Variants in GRIN2B observed in about 807,000 individuals in gnomAD.
GRIN2B encodes the protein glutamate receptor ionotropic, NMDA 2B.
A neutral mutation model predicts 114.5 loss-of-function variants in GRIN2B; 5 were observed. The observed-to-expected ratio is 0.04, with a 90% confidence interval of 0.02 to 0.09. GRIN2B has a LOEUF of 0.09. Ranked by LOEUF, GRIN2B falls within the 10% of genes least tolerant of loss-of-function variation. GRIN2B has a pLI of 1.00. For missense variants in GRIN2B, 1,108 were observed against 1,943.5 expected (o/e 0.57, Z 8.08); for synonymous variants, 787 against 745.1 (o/e 1.06, Z -0.92).
intron 4 of GRIN2B, among the ~76,000 whole-genome samples, chr12:13,715,095 G>C (rs146293176): frequency 0.027 from 4,109 of 151,878 alleles, 80 homozygotes; most frequent in Middle Eastern, 0.085. Context: ...TGGTGGTGGT[G>C]ATAGTTATGA....
At chr12:13,746,649 C>T (rs531404373) in intron 4 of GRIN2B, among the ~76,000 whole-genome samples, 4 of 152,104 alleles carry the variant, frequency 2.6e-5, no homozygotes, top group African/African-American at 7.2e-5. Flanking sequence ...GGATGTTTGT[C>T]CCCCCCAAAT....
At chr12:13,894,602 A>AT (rs1009498067) in intron 2 of GRIN2B, among the ~76,000 whole-genome samples, 54 of 151,972 alleles carry the variant, frequency 3.6e-4, no homozygotes, top group Non-Finnish European at 4.0e-4. Flanking sequence ...CAACTTTTCT[A>AT]TTTTTTTTCC....
At chr12:13,815,481 T>C (rs1864804402) in intron 3 of GRIN2B, among the ~76,000 whole-genome samples, 1 of 152,032 alleles carries the variant, frequency 6.6e-6, no homozygotes, top group African/African-American at 2.4e-5. Context: ...TTTAAAATGA[T>C]AAAGAGTGGG....
chr12:13,773,701 A>G (rs547703458), intron 3 of GRIN2B, among the ~76,000 whole-genome samples: 5 of 152,318 alleles, frequency 3.3e-5, no homozygotes, highest in African/African-American at 4.8e-5. Context: ...CATTACTAGA[A>G]ATTCTTCTGT....
chr12:13,769,015 C>G (rs917603650), intron 3 of GRIN2B, among the ~76,000 whole-genome samples: 1 of 152,164 alleles, frequency 6.6e-6, no homozygotes, highest in African/African-American at 2.4e-5. Flanking sequence ...GCTTGGGCAA[C>G]AGAGTAAGAC....
At chr12:13,866,904 AT>A (rs922708234) in intron 2 of GRIN2B, among the ~76,000 whole-genome samples, 4 of 152,206 alleles carry the variant, frequency 2.6e-5, no homozygotes, top group African/African-American at 9.6e-5. Flanking sequence ...TATTATCACC[AT>A]TTTTATAAAT....
intron 5 of GRIN2B, among the ~76,000 whole-genome samples, chr12:13,654,197 T>C (rs148488080): frequency 2.3e-4 from 35 of 152,184 alleles, no homozygotes; most frequent in Admixed American, 3.3e-4. Flanking sequence ...AAGGTAGATG[T>C]TATTTCTGGA....
At chr12:13,886,473 G>A (rs752517872) in intron 2 of GRIN2B, among the ~76,000 whole-genome samples, 13 of 152,116 alleles carry the variant, frequency 8.5e-5, no homozygotes, top group South Asian at 4.2e-4. Context: ...TTTTGAGGCC[G>A]ACTAAACTGC....
intron 4 of GRIN2B, among the ~76,000 whole-genome samples, chr12:13,700,779 A>G (rs970354227): frequency 2.0e-5 from 3 of 152,222 alleles, no homozygotes; most frequent in South Asian, 2.1e-4. Flanking sequence ...TAGCAGATAA[A>G]TAAGTGTTGT....
rs149244636 is a variant in GRIN2B at position 13,703,264 on chromosome 12, C to T, written c.1011-27405G>A. ...AGAAAAGATAACAGGCCTTTAAACC[C>T]CTCCCTTATTTGGGCATAATGAGAG... On this transcript the variant is annotated intron_variant, in intron 4 of 13. Coordinates refer to ENST00000609686, the MANE Select transcript of GRIN2B (RefSeq NM_000834.5). Among the ~76,000 whole-genome samples, 293 of 152,198 alleles carry T rather than the reference C, an allele frequency of 1.9e-3. 2 individuals are homozygous for T. The highest frequency in any genetic ancestry group is 6.7e-3 in the African/African-American group (278 of 41,548).
chr12:13,967,599 C>T (rs1002604540), intron 2 of GRIN2B, among the ~76,000 whole-genome samples: 1 of 152,232 alleles, frequency 6.6e-6, no homozygotes, highest in African/African-American at 2.4e-5. Context: ...ATCCATTAAA[C>T]ATCTATGGTG....
chr12:13,681,954 C>T (rs1950135098), intron 4 of GRIN2B, among the ~76,000 whole-genome samples: 1 of 152,068 alleles, frequency 6.6e-6, no homozygotes, highest in African/African-American at 2.4e-5. Context: ...ATACACAGTA[C>T]CTCTAGAAAT....
chr12:13,568,214 A>T (rs10772692), intron 12 of GRIN2B, among the ~76,000 whole-genome samples: 7 of 151,834 alleles, frequency 4.6e-5, no homozygotes, highest in South Asian at 2.1e-4. Flanking sequence ...AGGAAGTAGG[A>T]GGAAGTAGGA....
Position 13,560,412 on chromosome 12 carries a change from T to A in GRIN2B, c.*2371A>T, listed in dbSNP as rs547575140. On this transcript the variant is annotated 3_prime_UTR_variant, in exon 14 of 14. Transcript: ENST00000609686. ...AATTAGAAAACAAAATATTTACATA[T>A]GAAATAAACACCATCTTGATTTCTG... 2.6e-5 allele frequency: 4 copies of A among 152,210 alleles called. No homozygotes were observed. The highest frequency in any genetic ancestry group is 5.9e-5 in the Non-Finnish European group (4 of 68,040). 9.4% of individuals were successfully genotyped at this position (152,210 alleles called of 1,614,324 possible).
At chr12:13,783,659 G>C (rs1035611338) in intron 3 of GRIN2B, among the ~76,000 whole-genome samples, 2 of 152,114 alleles carry the variant, frequency 1.3e-5, no homozygotes, top group Non-Finnish European at 2.9e-5. Context: ...ATTGATGAAG[G>C]TCTCTGGGCT....
chr12:13,728,758 T>A (rs1029787540), intron 4 of GRIN2B, among the ~76,000 whole-genome samples: 2 of 152,190 alleles, frequency 1.3e-5, no homozygotes, highest in Admixed American at 1.3e-4. Context: ...GGTGGATGGA[T>A]GCACAGAGGG....
In GRIN2B at chr12:13,971,799, C is replaced by T. The variant is rs544897252; in HGVS notation, c.-19+8129G>A. The stretch of plus-strand genomic sequence containing the variant: ...TTTGCAGCCACACCTGTTTTAAGGG[C>T]GTCAGGAAAGCATTCTCCCTAAGTT... On this transcript the variant is annotated intron_variant, in intron 2 of 13. Coordinates refer to ENST00000609686, the MANE Select transcript of GRIN2B (RefSeq NM_000834.5). 5.3e-4 allele frequency among the ~76,000 whole-genome samples: 81 copies of T among 152,264 alleles called. 1 individual carries two copies. Among genetic ancestry groups the T allele is most frequent in the Middle Eastern group, 3.4e-3 (1 of 294 alleles).
Position 13,608,707 on chromosome 12 carries a change from C to A in GRIN2B, c.1906G>T (p.Ala636Ser). The A allele has an allele frequency of 6.2e-7, 1 of 1,614,052 alleles. No homozygotes were observed. The highest frequency in any genetic ancestry group is 8.5e-7 in the Non-Finnish European group (1 of 1,179,932). Residue 636 changes from alanine (A) to serine (S), a missense_variant, in exon 10 of 14, where the codon GCC (alanine) becomes TCC (serine). This residue lies in a region of GRIN2B where 8 missense variants were observed against 87.9 expected (regional missense o/e 0.09). Coordinates refer to ENST00000609686, the MANE Select transcript of GRIN2B (RefSeq NM_000834.5). ...TTSKIMVSVW[A>S]FFAVIFLASY... is the part of the protein sequence containing the mutation. ...GCCAGGAAGATGACAGCAAAGAAGG[C>A]CCACACTGACACCATGATCTTGGAG...
At chr12:13,571,725 C>G (rs978895989) in intron 11 of GRIN2B, 79 bp downstream of exon 11, 49 of 1,366,786 alleles carry the variant, frequency 3.6e-5, no homozygotes, top group Non-Finnish European at 4.8e-5. Context: ...CATGGTATAC[C>G]TAGTGCATGT....
Sources: gnomAD v4.1 joint callset for allele counts (sites outside exome capture counted in the v4.1 genomes callset) on GRCh38, gnomAD v4.1.1 for gene constraint, gnomAD v4.1.1 regional missense constraint, MANE v1.5 for transcripts, NCBI Gene and HGNC (gene_info 2026-07-23, HGNC 2026-07-21) for gene names.